Variants in ZNF226 observed in about 807,000 individuals in gnomAD.
ZNF226 encodes Kruppel-associated box protein.
ZNF226 carries 6 observed loss-of-function variants against 11.4 expected under a neutral mutation model. The observed-to-expected ratio is 0.53, with a 90% CI of 0.29 to 1.04. The LOEUF is 1.04. ZNF226 is among the 50% of genes least tolerant of loss of function. ZNF226 has a pLI of 0.08. For synonymous variants in ZNF226, 350 were observed against 322.8 expected (o/e 1.08, Z -0.90); for missense variants, 1,058 against 956.5 (o/e 1.11, Z -1.40).
downstream of ZNF226, among the ~76,000 whole-genome samples, chr19:44,181,498 GA>G (rs1970906714): frequency 6.6e-6 from 1 of 152,172 alleles, no homozygotes; most frequent in Non-Finnish European, 1.5e-5. Flanking sequence ...ACATTTGGGA[GA>G]ATTTGTTATA....
chr19:44,194,705 T>C, the ZNF226 span, among the ~76,000 whole-genome samples: 1 of 152,224 alleles, frequency 6.6e-6, no homozygotes, highest in Non-Finnish European at 1.5e-5. Context: ...TTAATTTTTT[T>C]CTTTAAGTCA....
chr19:44,198,400 T>A, the ZNF226 span, among the ~76,000 whole-genome samples: 2 of 152,218 alleles, frequency 1.3e-5, no homozygotes, highest in Admixed American at 6.5e-5. Context: ...CTTTACAACA[T>A]TGAATTGTCC....
chr19:44,181,509 A>G (rs772935995), downstream of ZNF226, among the ~76,000 whole-genome samples: 15 of 152,194 alleles, frequency 9.9e-5, no homozygotes, highest in Non-Finnish European at 2.1e-4. Context: ...AATTTGTTAT[A>G]TATTATCAGG....
chr19:44,185,648 A>G, the ZNF226 span, among the ~76,000 whole-genome samples: 1 of 152,070 alleles, frequency 6.6e-6, no homozygotes, highest in Non-Finnish European at 1.5e-5. Flanking sequence ...TTTCTTATAT[A>G]ATCTGGATAT....
chr19:44,173,958 T>G (rs181735344), intron 5 of ZNF226: 93 of 152,366 alleles, frequency 6.1e-4, no homozygotes, highest in African/African-American at 2.2e-3. Flanking sequence ...GTCTCCTCAG[T>G]GCTTAGAATA....
chr19:44,173,024 C>G, intron 5 of ZNF226, 72 bp downstream of exon 5: 1 of 1,413,912 alleles, frequency 7.1e-7, no homozygotes, highest in Non-Finnish European at 9.8e-7. Flanking sequence ...GCCTTGTTGC[C>G]ATCACCTGGT....
downstream of ZNF226, among the ~76,000 whole-genome samples, chr19:44,178,924 A>G (rs935713004): frequency 1.8e-4 from 27 of 152,318 alleles, no homozygotes; most frequent in African/African-American, 6.3e-4. Flanking sequence ...CCACGTCCAT[A>G]ATCCCCGTAC....
the ZNF226 span, among the ~76,000 whole-genome samples, chr19:44,190,397 G>C: frequency 6.6e-6 from 1 of 152,082 alleles, no homozygotes; most frequent in African/African-American, 2.4e-5. Flanking sequence ...ACAGTGGCGC[G>C]ATCTCGGCTC....
chr19:44,182,542 C>T (rs1367393080), downstream of ZNF226, among the ~76,000 whole-genome samples: 2 of 152,162 alleles, frequency 1.3e-5, no homozygotes, highest in Non-Finnish European at 2.9e-5. Context: ...TTACTCAACC[C>T]TTGTACTCTG....
At chr19:44,186,000 A>G in the ZNF226 span, among the ~76,000 whole-genome samples, 1 of 152,016 alleles carries the variant, frequency 6.6e-6, no homozygotes, top group South Asian at 2.1e-4. Context: ...TCCCATTACC[A>G]TTTTTTGAAG....
At chr19:44,175,235 A>C (rs1970571282) in intron 5 of ZNF226, 1 of 1,399,370 alleles carries the variant, frequency 7.1e-7, no homozygotes, top group Admixed American at 3.4e-5. Context: ...CATGGAATAA[A>C]AAATTTAGAT....
At chr19:44,182,707 C>A (rs561621883), downstream of ZNF226, among the ~76,000 whole-genome samples, 9 of 152,172 alleles carry the variant, frequency 5.9e-5, no homozygotes, top group African/African-American at 2.2e-4. Flanking sequence ...AAAAAAAATT[C>A]AATGAGGATG....
the ZNF226 span, among the ~76,000 whole-genome samples, chr19:44,193,776 T>C: frequency 6.6e-6 from 1 of 152,342 alleles, no homozygotes; most frequent in South Asian, 2.1e-4. Flanking sequence ...AATTCAGCTC[T>C]AAGGAAACAA....
rs1467054402 is a variant in ZNF226 at position 44,176,898 on chromosome 19, C to G, written c.1636C>G (p.Leu546Val). The change falls in exon 6 of 6, where the codon CTT (leucine) becomes GTT (valine). Residue 546 changes from leucine (L) to valine (V), a missense_variant. Leu to Val is a conservative substitution (Grantham distance 32, BLOSUM62 1). Coordinates refer to ENST00000337433, the MANE Select transcript of ZNF226 (RefSeq NM_001032373.2). Reference protein sequence around the residue: ...CGKGFSQSSYLQIHQKAHSIE... With the variant: ...CGKGFSQSSYVQIHQKAHSIE... ...GAAGGGCTTCAGTCAAAGTTCGTAT[C>G]TTCAAATCCATCAGAAGGCCCACAG... is the stretch of plus-strand genomic sequence containing the variant. 1 of 1,613,898 alleles carries G rather than the reference C, an allele frequency of 6.2e-7. No homozygotes were observed. Among genetic ancestry groups the G allele is most frequent in the Admixed American group, 1.7e-5 (1 of 59,996 alleles).
chr19:44,193,897 C>G, the ZNF226 span, among the ~76,000 whole-genome samples: 1 of 152,212 alleles, frequency 6.6e-6, no homozygotes, highest in African/African-American at 2.4e-5. Flanking sequence ...AAATGTATAG[C>G]TGCCTCAAGT....
Position 44,177,391 on chromosome 19 carries a change from A to T in ZNF226, c.2129A>T (p.Gln710Leu). Residue 710 changes from glutamine (Q) to leucine (L), a missense_variant, in exon 6 of 6, where the codon CAG (glutamine) becomes CTG (leucine). Gln to Leu is a moderately radical substitution (Grantham distance 113, BLOSUM62 -2). Coordinates refer to ENST00000337433, the MANE Select transcript of ZNF226 (RefSeq NM_001032373.2). The part of the protein sequence containing the change: ...KCGECGKYFS[Q>L]ASSLQLHQSV... ...GGGGAGTGTGGTAAGTACTTCAGTC[A>T]GGCCTCAAGTCTTCAACTTCATCAG... 12 of 1,613,470 alleles carry T rather than the reference A, an allele frequency of 7.4e-6. No individual in the cohort carries two copies. The highest frequency in any genetic ancestry group is 1.0e-5 in the Non-Finnish European group (12 of 1,179,766).
At chr19:44,196,798 G>A in the ZNF226 span, among the ~76,000 whole-genome samples, 1 of 152,096 alleles carries the variant, frequency 6.6e-6, no homozygotes, top group South Asian at 2.1e-4. Flanking sequence ...CATTTCAGTA[G>A]TGGGACATGC....
At chr19:44,183,195 A>G (rs1242097980), downstream of ZNF226, among the ~76,000 whole-genome samples, 1 of 152,208 alleles carries the variant, frequency 6.6e-6, no homozygotes, top group Non-Finnish European at 1.5e-5. Context: ...CTGAATTGAC[A>G]TTAACTCTGA....
chr19:44,168,966 A>G (rs925881518), intron 2 of ZNF226, among the ~76,000 whole-genome samples: 3 of 128,974 alleles, frequency 2.3e-5, no homozygotes, highest in Non-Finnish European at 3.4e-5. Context: ...TCTTTTGTTT[A>G]TAACAATATA....
Sources: gnomAD v4.1 joint callset for allele counts (sites outside exome capture counted in the v4.1 genomes callset) on GRCh38, gnomAD v4.1.1 for gene constraint, MANE v1.5 for transcripts, NCBI Gene and HGNC (gene_info 2026-07-23, HGNC 2026-07-21) for gene names.